Variants in AFG1L observed in about 807,000 individuals in gnomAD.
AFG1L encodes the protein AFG1 like ATPase, also known as AFG1-like ATPase.
A neutral mutation model predicts 62.2 loss-of-function variants in AFG1L; 53 were observed. The observed-to-expected ratio is 0.85, with a 90% confidence interval of 0.68 to 1.07. The LOEUF (loss-of-function observed/expected upper bound fraction) is 1.07, where lower values mean the gene tolerates loss of function less well. Among genes scored for constraint, AFG1L ranks in the 50% least tolerant of loss-of-function variants. The pLI is 0.00. For missense variants in AFG1L, 555 were observed against 590.5 expected (o/e 0.94, Z 0.62); for synonymous variants, 228 against 210.3 (o/e 1.08, Z -0.73).
chr6:108,295,639 G>A (rs559379468), intron 1 of AFG1L: 1 of 160,606 alleles, frequency 6.2e-6, no homozygotes, highest in African/African-American at 2.4e-5. Flanking sequence ...GATGTCTCTC[G>A]TGATTCTAGG....
At chr6:108,322,643 C>A (rs1435299830) in intron 1 of AFG1L, among the ~76,000 whole-genome samples, 1 of 148,590 alleles carries the variant, frequency 6.7e-6, no homozygotes, top group Non-Finnish European at 1.5e-5. Context: ...AAGGACTTTT[C>A]CCCCTCTTTT....
intron 7 of AFG1L, among the ~76,000 whole-genome samples, chr6:108,405,379 G>A (rs1031562135): frequency 4.6e-5 from 7 of 152,086 alleles, no homozygotes; most frequent in Admixed American, 2.0e-4. Context: ...AGGGTCTCAC[G>A]CTGTTGCCTA....
At chr6:108,502,490 CCA>C (rs1480050131) in intron 10 of AFG1L, among the ~76,000 whole-genome samples, 1 of 152,124 alleles carries the variant, frequency 6.6e-6, no homozygotes, top group African/African-American at 2.4e-5. Context: ...CAGGCATGAG[CCA>C]CCGTGCCTGG....
chr6:108,470,591 T>C (rs1772846398), intron 8 of AFG1L, among the ~76,000 whole-genome samples: 1 of 152,220 alleles, frequency 6.6e-6, no homozygotes, highest in Non-Finnish European at 1.5e-5. Context: ...TACTCTTCCA[T>C]TGTATAAGTG....
At chr6:108,449,210 C>CAT (rs1344104124) in intron 8 of AFG1L, among the ~76,000 whole-genome samples, 5 of 150,648 alleles carry the variant, frequency 3.3e-5, no homozygotes, top group South Asian at 2.1e-4. Context: ...TATATACACA[C>CAT]ATATATATAC....
chr6:108,377,309 TA>T (rs1384993319), intron 6 of AFG1L, among the ~76,000 whole-genome samples: 1 of 152,182 alleles, frequency 6.6e-6, no homozygotes, highest in African/African-American at 2.4e-5. Context: ...GTTTGCTTTG[TA>T]GTTTCTATTG....
intron 8 of AFG1L, among the ~76,000 whole-genome samples, chr6:108,455,343 A>AT (rs560868846): frequency 0.01 from 1,552 of 152,170 alleles, 33 homozygotes; most frequent in Middle Eastern, 0.054. Flanking sequence ...TATGTGTAAA[A>AT]TTTTTCATAA....
chr6:108,503,290 G>A (rs1774274580), intron 10 of AFG1L, among the ~76,000 whole-genome samples: 1 of 152,172 alleles, frequency 6.6e-6, no homozygotes, highest in Non-Finnish European at 1.5e-5. Context: ...ATATGTGGCA[G>A]CTATGGCCTT....
intron 2 of AFG1L, among the ~76,000 whole-genome samples, chr6:108,339,300 C>T (rs1299506014): frequency 6.6e-6 from 1 of 151,810 alleles, no homozygotes; most frequent in East Asian, 1.9e-4. Context: ...GCCACCACAT[C>T]GACTAATTTT....
chr6:108,406,362 T>C (rs1008773663), intron 7 of AFG1L, among the ~76,000 whole-genome samples: 22 of 151,982 alleles, frequency 1.4e-4, no homozygotes, highest in Admixed American at 8.5e-4. Flanking sequence ...TGAAGTGATA[T>C]CTCATTATGG....
chr6:108,455,240 G>C (rs1411759487), intron 8 of AFG1L, among the ~76,000 whole-genome samples: 1 of 152,144 alleles, frequency 6.6e-6, no homozygotes, highest in Non-Finnish European at 1.5e-5. Flanking sequence ...AGAATTGAGG[G>C]GAGGTATAGA....
At chr6:108,373,188 T>C (rs1780089505) in intron 6 of AFG1L, among the ~76,000 whole-genome samples, 1 of 152,060 alleles carries the variant, frequency 6.6e-6, no homozygotes, top group African/African-American at 2.4e-5. Context: ...CTTACCCGCT[T>C]CTACCCTTCC....
chr6:108,398,100 C>A (rs939470510), intron 6 of AFG1L, among the ~76,000 whole-genome samples: 1 of 152,112 alleles, frequency 6.6e-6, no homozygotes, highest in South Asian at 2.1e-4. Flanking sequence ...CTTTTCTCTG[C>A]GTCCTCAGCA....
chr6:108,405,289 G>T (rs1781800849), intron 7 of AFG1L, among the ~76,000 whole-genome samples: 2 of 152,122 alleles, frequency 1.3e-5, no homozygotes, highest in South Asian at 4.1e-4. Flanking sequence ...ATGAGACTTT[G>T]AATCTTAATG....
At chr6:108,492,581 G>C (rs1773818506) in intron 10 of AFG1L, among the ~76,000 whole-genome samples, 1 of 152,196 alleles carries the variant, frequency 6.6e-6, no homozygotes, top group Non-Finnish European at 1.5e-5. Flanking sequence ...AGGCATTCAT[G>C]ATAATGTTTA....
chr6:108,395,403 CTTT>C (rs71551344), intron 6 of AFG1L, among the ~76,000 whole-genome samples: 2 of 122,934 alleles, frequency 1.6e-5, no homozygotes, highest in Non-Finnish European at 3.3e-5. Flanking sequence ...CTTTTCTTTT[CTTT>C]TTTTTTTTTT....
At chr6:108,452,382 C>G (rs544110959) in intron 8 of AFG1L, among the ~76,000 whole-genome samples, 11 of 152,152 alleles carry the variant, frequency 7.2e-5, no homozygotes, top group Non-Finnish European at 1.3e-4. Context: ...TCACATCACC[C>G]TGGACTCACA....
intron 10 of AFG1L, among the ~76,000 whole-genome samples, chr6:108,504,701 T>A (rs1774331808): frequency 1.3e-5 from 2 of 152,216 alleles, no homozygotes; most frequent in South Asian, 4.1e-4. Flanking sequence ...AACAAAAGTA[T>A]CTTCAGAATG....
chr6:108,471,468 C>CTTTTTTT (rs56375345), intron 8 of AFG1L, among the ~76,000 whole-genome samples: 18 of 100,352 alleles, frequency 1.8e-4, no homozygotes, highest in Non-Finnish European at 3.0e-4. Flanking sequence ...TGTTCTTCTT[C>CTTTTTTT]TTTTTTTTTT....
Sources: allele counts gnomAD v4.1 joint callset (sites outside exome capture counted in the v4.1 genomes callset), GRCh38; gene constraint gnomAD v4.1.1; transcripts MANE v1.5; gene names NCBI Gene and HGNC (gene_info 2026-07-23, HGNC 2026-07-21).